Variants in OSBPL10 observed in about 807,000 individuals in gnomAD.
OSBPL10 encodes the protein oxysterol binding protein like 10, also known as oxysterol-binding protein-related protein 10.
Under a neutral mutation model 81.7 loss-of-function variants are expected in OSBPL10, and 49 were observed. That is an observed-to-expected ratio of 0.60 (90% CI 0.48 to 0.76). The LOEUF (loss-of-function observed/expected upper bound fraction) is 0.76. OSBPL10 is among the 30% of genes least tolerant of loss of function. The pLI is 0.00. For missense variants in OSBPL10, 923 were observed against 987.8 expected (o/e 0.93, Z 0.88); for synonymous variants, 419 against 383.6 (o/e 1.09, Z -1.08).
intron 1 of OSBPL10, among the ~76,000 whole-genome samples, chr3:31,969,776 A>G (rs1210924994): frequency 6.6e-6 from 1 of 151,896 alleles, no homozygotes; most frequent in Non-Finnish European, 1.5e-5. Flanking sequence ...AATAGCTTGA[A>G]CCTGGGAGGC....
intron 6 of OSBPL10, among the ~76,000 whole-genome samples, chr3:31,724,002 G>A (rs1696735684): frequency 6.6e-6 from 1 of 152,132 alleles, no homozygotes; most frequent in East Asian, 1.9e-4. Context: ...GAAATTTAGG[G>A]CCATGTTTAG....
At chr3:31,775,973 A>C (rs1163636036) in intron 4 of OSBPL10, among the ~76,000 whole-genome samples, 1 of 152,120 alleles carries the variant, frequency 6.6e-6, no homozygotes, top group Non-Finnish European at 1.5e-5. Context: ...AAAGGGTCTC[A>C]GGAGTTGAAG....
At chr3:31,758,761 T>C (rs1378787) in intron 4 of OSBPL10, among the ~76,000 whole-genome samples, 11,546 of 152,256 alleles carry the variant, frequency 0.076, 1,482 homozygotes, top group African/African-American at 0.26. Context: ...TGAAGCTCAA[T>C]TGCATGTGTA....
intron 4 of OSBPL10, among the ~76,000 whole-genome samples, chr3:31,804,667 A>T (rs1699479249): frequency 6.6e-6 from 1 of 152,218 alleles, no homozygotes; most frequent in African/African-American, 2.4e-5. Context: ...CCATAACGTA[A>T]CAGCGCCTAC....
chr3:31,883,075 C>T (rs538035478), intron 1 of OSBPL10, among the ~76,000 whole-genome samples: 59 of 152,180 alleles, frequency 3.9e-4, no homozygotes, highest in Non-Finnish European at 6.3e-4. Context: ...ATTCTGACTG[C>T]GGCTGTGCAG....
chr3:31,691,995 T>G (rs1053909946), intron 7 of OSBPL10, among the ~76,000 whole-genome samples: 1 of 152,234 alleles, frequency 6.6e-6, no homozygotes, highest in Non-Finnish European at 1.5e-5. Context: ...CCAGGTTCCC[T>G]CACACCCATT....
At chr3:31,745,659 G>A (rs932072474) in intron 5 of OSBPL10, among the ~76,000 whole-genome samples, 3 of 152,110 alleles carry the variant, frequency 2.0e-5, no homozygotes, top group African/African-American at 7.2e-5. Context: ...TTCTGCCCTC[G>A]TTCTGCCACT....
At chr3:31,734,376 A>T (rs1697083061) in intron 5 of OSBPL10, among the ~76,000 whole-genome samples, 1 of 152,298 alleles carries the variant, frequency 6.6e-6, no homozygotes, top group African/African-American at 2.4e-5. Context: ...CATTTTATAC[A>T]CCTACTAATA....
At chr3:32,008,134 A>G (rs1274419999) in intron 2 of OSBPL10, among the ~76,000 whole-genome samples, 1 of 151,870 alleles carries the variant, frequency 6.6e-6, no homozygotes, top group Non-Finnish European at 1.5e-5. Context: ...GGAATGATTT[A>G]ATTTAAAATT....
At chr3:31,790,689 C>T (rs1698987767) in intron 4 of OSBPL10, among the ~76,000 whole-genome samples, 1 of 152,130 alleles carries the variant, frequency 6.6e-6, no homozygotes, top group Non-Finnish European at 1.5e-5. Context: ...GGTCTGACCG[C>T]AAAGCCTGAA....
chr3:31,695,066 T>G lies in OSBPL10; in HGVS notation c.1245+7293A>C, dbSNP rs999693435. Among the ~76,000 whole-genome samples, 4 of 152,206 alleles carry G rather than the reference T, an allele frequency of 2.6e-5. No individual in the cohort carries two copies. In the South Asian group the frequency reaches 8.3e-4, roughly 31 times the overall value. On this transcript the variant is annotated intron_variant, in intron 7 of 11. Coordinates refer to ENST00000396556, the MANE Select transcript of OSBPL10 (RefSeq NM_017784.5). ...ACCCGGCCTCAAAGCATGAATCTTG[T>G]TTCATGTGTTCTTGATTGATGAGCT...
At chr3:31,833,705 G>GCGCGCACACACA (rs1553631714) in intron 3 of OSBPL10, among the ~76,000 whole-genome samples, 2 of 137,962 alleles carry the variant, frequency 1.4e-5, no homozygotes, top group Non-Finnish European at 3.1e-5. Flanking sequence ...ACACGCACAC[G>GCGCGCACACACA]CACACACACA....
intron 6 of OSBPL10, among the ~76,000 whole-genome samples, chr3:31,726,264 G>GA (rs749182546): frequency 6.6e-6 from 1 of 152,056 alleles, no homozygotes; most frequent in Non-Finnish European, 1.5e-5. Context: ...ATAACAGGGG[G>GA]AGTGTACTAA....
intron 1 of OSBPL10, among the ~76,000 whole-genome samples, chr3:32,058,906 C>G (rs1699734098): frequency 6.6e-6 from 1 of 152,160 alleles, no homozygotes; most frequent in South Asian, 2.1e-4. Flanking sequence ...CCATGCTGGT[C>G]TTGAAATCCT....
intron 4 of OSBPL10, among the ~76,000 whole-genome samples, chr3:31,808,333 T>A (rs1262122034): frequency 6.6e-6 from 1 of 152,208 alleles, no homozygotes; most frequent in Non-Finnish European, 1.5e-5. Flanking sequence ...AGGCTCACAC[T>A]GACACTGAGG....
chr3:31,801,450 C>A (rs781082580), intron 4 of OSBPL10, among the ~76,000 whole-genome samples: 6 of 152,222 alleles, frequency 3.9e-5, no homozygotes, highest in Non-Finnish European at 8.8e-5. Flanking sequence ...TTCTCACCTG[C>A]CTGTTTACCA....
At chr3:31,721,858 A>G (rs1049628348) in intron 6 of OSBPL10, among the ~76,000 whole-genome samples, 5 of 152,250 alleles carry the variant, frequency 3.3e-5, no homozygotes, top group Admixed American at 3.3e-4. Context: ...ATGATCTCAC[A>G]TAATGTTTAT....
At chr3:31,915,354 A>G (rs1473733430) in intron 1 of OSBPL10, among the ~76,000 whole-genome samples, 2 of 152,170 alleles carry the variant, frequency 1.3e-5, no homozygotes, top group Non-Finnish European at 2.9e-5. Flanking sequence ...AAGACATGGA[A>G]TCAACTTAAG....
At chr3:31,709,280 A>G (rs998491861) in intron 6 of OSBPL10, 5 of 152,458 alleles carry the variant, frequency 3.3e-5, no homozygotes, top group African/African-American at 1.2e-4. Flanking sequence ...CACATTTACC[A>G]CACTTGGCTC....
Sources: allele counts gnomAD v4.1 joint callset (sites outside exome capture counted in the v4.1 genomes callset), GRCh38; gene constraint gnomAD v4.1.1; transcripts MANE v1.5; gene names NCBI Gene and HGNC (gene_info 2026-07-23, HGNC 2026-07-21).